The following EIF5B variants were observed in gnomAD, a reference collection of about 807,000 sequenced individuals.
EIF5B encodes the protein eIF-5B.
EIF5B carries 47 observed loss-of-function variants against 147.5 expected under a neutral mutation model. The observed-to-expected ratio is 0.32, with a 90% confidence interval of 0.25 to 0.41. The LOEUF is 0.41. Among genes scored for constraint, EIF5B ranks in the 10% least tolerant of loss-of-function variants. The pLI, the probability that EIF5B is intolerant of heterozygous loss-of-function variation, is 1.00. For missense variants in EIF5B, 1,064 were observed against 1,413.2 expected, an observed-to-expected ratio of 0.75 and a Z score of 3.96; for synonymous variants, 455 against 456.2, an observed-to-expected ratio of 1.00 and a Z score of 0.03.
chr2:99,382,710 G>A, intron 13 of EIF5B, 70 bp from the exon 14 acceptor site: 1 of 1,429,954 alleles, frequency 7.0e-7, no homozygotes, highest in East Asian at 2.4e-5. Flanking sequence ...TTACAGAGAA[G>A]TTTAAAAGTT....
In EIF5B at chr2:99,375,754, C is replaced by G. The variant is rs191365889; in HGVS notation, c.1553-593C>G. ...TTTTAGCATATAGACAAACACCTTG[C>G]GTTTATGATGTATGAAAACACCATG... On this transcript the variant is annotated intron_variant, in intron 9 of 23. Transcript: ENST00000289371. Among the ~76,000 whole-genome samples, 107 of 152,230 alleles carry G rather than the reference C, an allele frequency of 7.0e-4. 1 individual carries two copies. Among genetic ancestry groups the G allele is most frequent in the African/African-American group, 2.5e-3 (102 of 41,540 alleles).
At chr2:99,373,506 T>C (rs1244488943) in intron 9 of EIF5B, among the ~76,000 whole-genome samples, 2 of 152,176 alleles carry the variant, frequency 1.3e-5, no homozygotes, top group Non-Finnish European at 2.9e-5. Flanking sequence ...TGAGAGTGAC[T>C]TAATCACTCC....
At chr2:99,339,742 G>A (rs970578547) in intron 1 of EIF5B, among the ~76,000 whole-genome samples, 2 of 152,048 alleles carry the variant, frequency 1.3e-5, no homozygotes, top group African/African-American at 2.4e-5. Flanking sequence ...GAGACAAGAT[G>A]TTTATTCTTG....
intron 10 of EIF5B, among the ~76,000 whole-genome samples, chr2:99,376,949 A>C (rs1005995218): frequency 1.3e-5 from 2 of 152,194 alleles, no homozygotes; most frequent in African/African-American, 4.8e-5. Context: ...CCCTCTGCTT[A>C]TAAACATCAG....
At position 99,361,909 on chromosome 2, in the gene EIF5B, T is replaced by C. The variant is rs921575027; in HGVS notation, c.919+89T>C. 157 of 1,270,076 alleles carry C rather than the reference T, an allele frequency of 1.2e-4. No homozygotes were observed. In the Middle Eastern group the frequency reaches 2.2e-3, roughly 18 times the overall value. 78.7% of individuals were successfully genotyped at this position (1,270,076 alleles called of 1,614,324 possible). A position where few individuals can be genotyped will look rare whatever the true frequency, so the allele number is the denominator to read the frequency against. On this transcript the variant is annotated intron_variant, in intron 4 of 23. Coordinates refer to ENST00000289371, the MANE Select transcript of EIF5B (RefSeq NM_015904.4). ...TGTGCCCCAAGGTCGTTTTGTTATT[T>C]GTCCATGGGTATAAAGACACTTGAT... is the stretch of plus-strand genomic sequence containing the variant.
At chr2:99,350,135 A>G (rs1251820117) in intron 1 of EIF5B, among the ~76,000 whole-genome samples, 3 of 152,172 alleles carry the variant, frequency 2.0e-5, no homozygotes, top group East Asian at 3.8e-4. Flanking sequence ...ATTCTTTTTT[A>G]TGGATGAATA....
intron 8 of EIF5B, chr2:99,371,220 G>A (rs1303014063): frequency 6.5e-6 from 1 of 153,392 alleles, no homozygotes; most frequent in African/African-American, 2.4e-5. Context: ...TGGGCGCGGT[G>A]GCTCAAGCCT....
chr2:99,397,610 G>C (rs949561512), intron 22 of EIF5B: 1 of 152,238 alleles, frequency 6.6e-6, no homozygotes, highest in African/African-American at 2.4e-5. Context: ...CAGTTTCCCT[G>C]TGTGCCTGCC....
At chr2:99,369,897 A>T (rs1559251818) in intron 8 of EIF5B, among the ~76,000 whole-genome samples, 2 of 151,694 alleles carry the variant, frequency 1.3e-5, no homozygotes. Flanking sequence ...AATTGCTTGA[A>T]CCTGGGAGGC....
chr2:99,395,286 C>CA (rs1675019148), intron 21 of EIF5B, among the ~76,000 whole-genome samples: 1 of 152,358 alleles, frequency 6.6e-6, no homozygotes, highest in East Asian at 1.9e-4. Context: ...ACAGTACCTA[C>CA]ATTGCTGCAG....
At chr2:99,371,520 T>TA in intron 8 of EIF5B, 136 bp from the exon 9 acceptor site, 1 of 608,464 alleles carries the variant, frequency 1.6e-6, no homozygotes, top group African/African-American at 1.9e-5. Context: ...GTTCTAAAGA[T>TA]AATAGCTGCA....
At chr2:99,357,856 C>T (rs950066647) in intron 1 of EIF5B, among the ~76,000 whole-genome samples, 1 of 152,032 alleles carries the variant, frequency 6.6e-6, no homozygotes, top group Non-Finnish European at 1.5e-5. Context: ...CTTGATTCTT[C>T]CTTACTCCTT....
chr2:99,348,849 C>T (rs1389223688), intron 1 of EIF5B, among the ~76,000 whole-genome samples: 2 of 152,102 alleles, frequency 1.3e-5, no homozygotes, highest in Non-Finnish European at 2.9e-5. Flanking sequence ...TACTATAGGT[C>T]CTGGTATTGA....
At chr2:99,386,014 G>A (rs1674798933) in intron 14 of EIF5B, among the ~76,000 whole-genome samples, 1 of 152,170 alleles carries the variant, frequency 6.6e-6, no homozygotes, top group Admixed American at 6.5e-5. Flanking sequence ...TGTTACTCAT[G>A]TTATTATGCT....
At chr2:99,383,001 C>T in intron 14 of EIF5B, 80 bp downstream of exon 14, 2 of 1,418,216 alleles carry the variant, frequency 1.4e-6, no homozygotes, top group South Asian at 3.0e-5. Context: ...GTATAATTAA[C>T]TTACAAGCAT....
At chr2:99,364,662 A>C (rs1247670955) in intron 6 of EIF5B, among the ~76,000 whole-genome samples, 1 of 152,236 alleles carries the variant, frequency 6.6e-6, no homozygotes, top group African/African-American at 2.4e-5. Flanking sequence ...ATCCTCCCAC[A>C]AACAAGAATA....
chr2:99,387,673 G>A lies in EIF5B; in HGVS notation c.2272-2045G>A, dbSNP rs112787178. ...TATAAAGTTTTCAGTCAGCTTGTTC[G>A]TTTCCACAAAAAGCCTTTTAGGATT... On this transcript the variant is annotated intron_variant, in intron 14 of 23. Coordinates refer to ENST00000289371, the MANE Select transcript of EIF5B (RefSeq NM_015904.4). Among the ~76,000 whole-genome samples the A allele has an allele frequency of 5.3e-4, 81 of 152,092 alleles. 1 individual carries two copies. The highest frequency in any genetic ancestry group is 1.7e-3 in the African/African-American group (70 of 41,488).
At chr2:99,344,160 T>C (rs1018887133) in intron 1 of EIF5B, among the ~76,000 whole-genome samples, 1 of 152,032 alleles carries the variant, frequency 6.6e-6, no homozygotes, top group African/African-American at 2.4e-5. Flanking sequence ...GACCTCGTTA[T>C]CCGCCCGCCT....
chr2:99,372,407 C>T (rs948070020), intron 9 of EIF5B, among the ~76,000 whole-genome samples: 3 of 152,148 alleles, frequency 2.0e-5, no homozygotes, highest in African/African-American at 7.2e-5. Context: ...GGCGCAATCT[C>T]GGCTCACAAC....
Sources: allele counts gnomAD v4.1 joint callset (sites outside exome capture counted in the v4.1 genomes callset), GRCh38; gene constraint gnomAD v4.1.1; transcripts MANE v1.5; gene names NCBI Gene and HGNC (gene_info 2026-07-23, HGNC 2026-07-21).